NEDD4: variants seen among roughly 807,000 people sequenced by gnomAD.
NEDD4 encodes the protein NEDD4 E3 ubiquitin protein ligase, also known as E3 ubiquitin-protein ligase NEDD4.
Under a neutral mutation model 144.9 loss-of-function variants are expected in NEDD4, and 99 were observed. That is an observed-to-expected ratio of 0.68 (90% confidence interval 0.58 to 0.81). The LOEUF (loss-of-function observed/expected upper bound fraction) is 0.81. Among genes scored for constraint, NEDD4 ranks in the 30% least tolerant of loss-of-function variants. The probability of loss-of-function intolerance (pLI) is 0.00; values close to 1 mark genes in which losing one functional copy is unlikely to be tolerated. For missense variants in NEDD4, 985 were observed against 1,065.9 expected (o/e 0.92, Z 1.06); for synonymous variants, 318 against 350.6 (o/e 0.91, Z 1.04).
chr15:55,871,618 T>C (rs1304286191), intron 7 of NEDD4, among the ~76,000 whole-genome samples: 1 of 152,176 alleles, frequency 6.6e-6, no homozygotes, highest in Non-Finnish European at 1.5e-5. Flanking sequence ...AGAGTAAATA[T>C]TAACAGTCAG....
chr15:55,944,780 A>G (rs111753441), intron 4 of NEDD4, among the ~76,000 whole-genome samples: 2,615 of 152,200 alleles, frequency 0.017, 68 homozygotes, highest in African/African-American at 0.059. Context: ...TCTGGGACAA[A>G]GCTTCCAGAG....
Position 55,917,714 on chromosome 15 carries a change from A to T in NEDD4, c.291+6932T>A, listed in dbSNP as rs139975951. On this transcript the variant is annotated intron_variant, in intron 5 of 28. Transcript: ENST00000435532. ...CTGTCACTAAGCATTTTCTCCTGTA[A>T]TTTTAAGGCCTTTTCCAGCCAAGTA... Among the ~76,000 whole-genome samples, 433 of 152,200 alleles carry T rather than the reference A, an allele frequency of 2.8e-3. 3 individuals carry two copies. Among genetic ancestry groups the T allele is most frequent in the African/African-American group, 9.9e-3 (413 of 41,544 alleles).
chr15:55,870,498 C>T (rs910252892), intron 7 of NEDD4, among the ~76,000 whole-genome samples: 3 of 149,288 alleles, frequency 2.0e-5, no homozygotes, highest in African/African-American at 7.4e-5. Flanking sequence ...TCATAAGCTG[C>T]TGCTGCTTTT....
rs748521566 is a variant in NEDD4 at position 55,850,746 on chromosome 15, G to A, written c.1147-4C>T. 6.2e-7 allele frequency: 1 copy of A among 1,608,362 alleles called. No individual in the cohort carries two copies. Among genetic ancestry groups the A allele is most frequent in the Non-Finnish European group, 8.5e-7 (1 of 1,178,258 alleles). ...GCTGACTGGTCTCCACTGTGGCCTAGCACATTAATGAAATCATATTGTAAT... is the reference window on the plus strand; with the variant it reads ...GCTGACTGGTCTCCACTGTGGCCTAACACATTAATGAAATCATATTGTAAT... On this transcript the variant is annotated splice_region_variant and splice_polypyrimidine_tract_variant and intron_variant, in intron 13 of 28. Transcript: ENST00000435532.
intron 5 of NEDD4, among the ~76,000 whole-genome samples, chr15:55,919,717 A>G (rs1009807571): frequency 5.3e-5 from 8 of 152,204 alleles, no homozygotes; most frequent in African/African-American, 1.9e-4. Context: ...AATGAAACAG[A>G]TAACGTCTTA....
intron 11 of NEDD4, among the ~76,000 whole-genome samples, chr15:55,858,938 T>C (rs1278589916): frequency 2.0e-5 from 3 of 152,314 alleles, no homozygotes; most frequent in African/African-American, 7.2e-5. Context: ...TGTATTCCAA[T>C]GGTAATTATT....
intron 1 of NEDD4, among the ~76,000 whole-genome samples, chr15:55,967,129 C>G (rs1156601107): frequency 6.6e-6 from 1 of 152,192 alleles, no homozygotes; most frequent in East Asian, 1.9e-4. Context: ...AGGTGATCTG[C>G]CTGCCTCAGC....
At position 55,860,725 on chromosome 15, in the gene NEDD4, G is replaced by A. The variant is rs753995622; in HGVS notation, c.728C>T (p.Ala243Val). 15 of 1,614,182 alleles carry A rather than the reference G, an allele frequency of 9.3e-6. No homozygotes were observed. The East Asian group carries it at 2.9e-4, about 31-fold the overall frequency. Residue 243 changes from alanine to valine, a missense_variant, in exon 10 of 29, where the codon GCA becomes GTA. Transcript: ENST00000435532. ...GGATATCTGCCGCCTGGTGGTAAAT[G>A]CACGTTGTGCTTGCAGTTGAATGTT... ...NGNIQLQAQRAFTTRRQISEE... is the reference protein window; with the variant it reads ...NGNIQLQAQRVFTTRRQISEE...
At chr15:55,853,915 G>A (rs1461644807) in intron 12 of NEDD4, among the ~76,000 whole-genome samples, 4 of 152,080 alleles carry the variant, frequency 2.6e-5, no homozygotes, top group Admixed American at 6.6e-5. Flanking sequence ...TGCTTGAACC[G>A]GGAGGCAGAG....
intron 5 of NEDD4, among the ~76,000 whole-genome samples, chr15:55,903,740 G>A (rs1399311286): frequency 6.6e-6 from 1 of 151,286 alleles, no homozygotes; most frequent in Non-Finnish European, 1.5e-5. Context: ...CAGGAGAATG[G>A]CGTGAACCCG....
At chr15:55,960,253 C>A (rs2037403965) in intron 2 of NEDD4, among the ~76,000 whole-genome samples, 1 of 152,064 alleles carries the variant, frequency 6.6e-6, no homozygotes, top group Non-Finnish European at 1.5e-5. Flanking sequence ...GAGGGTGTTG[C>A]CAAAGGAGAT....
chr15:55,959,632 GATTAC>G (rs1181052725), intron 2 of NEDD4, among the ~76,000 whole-genome samples: 1 of 152,172 alleles, frequency 6.6e-6, no homozygotes, highest in Non-Finnish European at 1.5e-5. Flanking sequence ...AAAAGTATGT[GATTAC>G]ATTACATAAG....
At chr15:55,833,675 A>G (rs2141960601) in intron 26 of NEDD4, among the ~76,000 whole-genome samples, 1 of 152,198 alleles carries the variant, frequency 6.6e-6, no homozygotes, top group South Asian at 2.1e-4. Flanking sequence ...AACACATTAT[A>G]TTAATATGAT....
chr15:55,862,827 T>C (rs2034454571), intron 9 of NEDD4, 86 bp downstream of exon 9: 1 of 1,237,226 alleles, frequency 8.1e-7, no homozygotes, highest in Admixed American at 2.0e-5. Context: ...TATACTGTTA[T>C]GAATCCATCT....
chr15:55,858,227 T>C (rs2142026387), intron 11 of NEDD4, among the ~76,000 whole-genome samples: 1 of 152,254 alleles, frequency 6.6e-6, no homozygotes, highest in African/African-American at 2.4e-5. Flanking sequence ...GGTTGCCATG[T>C]ATTACTTTAA....
rs139811523 is a variant in NEDD4, at chr15:55,964,093, A to C, written c.119+2380T>G. The stretch of plus-strand genomic sequence containing the variant: ...CTATTATGCACTTCATTGTGTTCTT[A>C]ATGTTTATTATCCTGCTTGGTGTTT... On this transcript the variant is annotated intron_variant, in intron 2 of 28. Coordinates refer to ENST00000435532, the MANE Select transcript of NEDD4 (RefSeq NM_006154.4). Among the ~76,000 whole-genome samples the C allele has an allele frequency of 4.6e-5, 7 of 152,178 alleles. No individual in the cohort carries two copies. In the East Asian group the frequency reaches 1.4e-3, roughly 29 times the overall value.
At chr15:55,899,323 T>C (rs2142148822) in intron 5 of NEDD4, among the ~76,000 whole-genome samples, 1 of 152,338 alleles carries the variant, frequency 6.6e-6, no homozygotes, top group South Asian at 2.1e-4. Context: ...ATTTCAGAAG[T>C]AGAAACTGAT....
At chr15:55,963,799 T>C (rs1317128166) in intron 2 of NEDD4, among the ~76,000 whole-genome samples, 2 of 152,228 alleles carry the variant, frequency 1.3e-5, no homozygotes, top group African/African-American at 4.8e-5. Context: ...CTTTAAGATA[T>C]CTTACAGCAC....
chr15:55,835,834 G>C (rs1474128708), intron 24 of NEDD4, among the ~76,000 whole-genome samples: 3 of 152,096 alleles, frequency 2.0e-5, no homozygotes, highest in Non-Finnish European at 4.4e-5. Context: ...GCTCTACATA[G>C]CACTTCCAGA....
Sources: allele counts gnomAD v4.1 joint callset (sites outside exome capture counted in the v4.1 genomes callset), GRCh38; gene constraint gnomAD v4.1.1; transcripts MANE v1.5; gene names NCBI Gene and HGNC (gene_info 2026-07-23, HGNC 2026-07-21).